ZFYVE9: variants seen among roughly 807,000 people sequenced by gnomAD.
ZFYVE9 encodes the protein zinc finger FYVE-type containing 9.
ZFYVE9 carries 43 observed loss-of-function variants against 126.7 expected under a neutral mutation model. The ratio of observed to expected loss-of-function variants is 0.34; its 90% CI spans 0.27 to 0.44. The LOEUF is 0.44. Ranked by LOEUF, ZFYVE9 falls within the 20% of genes least tolerant of loss-of-function variation. The pLI, the probability that ZFYVE9 is intolerant of heterozygous loss-of-function variation, is 1.00. For synonymous variants in ZFYVE9, 521 were observed against 597.4 expected (o/e 0.87, Z 1.87); for missense variants, 1,476 against 1,697.0 (o/e 0.87, Z 2.29).
At chr1:52,287,945 A>G (rs1645879038) in intron 10 of ZFYVE9, among the ~76,000 whole-genome samples, 1 of 152,140 alleles carries the variant, frequency 6.6e-6, no homozygotes, top group South Asian at 2.1e-4. Context: ...AATTTATTAG[A>G]ATTATGGTAT....
rs1445473559 is a variant in ZFYVE9 at position 52,308,854 on chromosome 1, A to G, written c.3438+4929A>G. ...GTGAGTTCCATGAGGGACTATGTCTATCTTGTATACCACAGGTATCATCAG... is the reference window on the plus strand; with the variant it reads ...GTGAGTTCCATGAGGGACTATGTCTGTCTTGTATACCACAGGTATCATCAG... On this transcript the variant is annotated intron_variant, in intron 13 of 18. Coordinates refer to ENST00000287727, the MANE Select transcript of ZFYVE9 (RefSeq NM_004799.4). 2.0e-5 allele frequency among the ~76,000 whole-genome samples: 3 copies of G among 152,330 alleles called. No individual in the cohort carries two copies. The South Asian group carries it at 6.2e-4, about 32-fold the overall frequency.
chr1:52,169,644 A>G (rs867636547), intron 1 of ZFYVE9, among the ~76,000 whole-genome samples: 17 of 152,306 alleles, frequency 1.1e-4, no homozygotes, highest in African/African-American at 3.8e-4. Context: ...AACTGACTTA[A>G]TTATTTTAAA....
chr1:52,170,550 G>T (rs149148937), intron 1 of ZFYVE9, among the ~76,000 whole-genome samples: 11,175 of 151,438 alleles, frequency 0.074, 517 homozygotes, highest in African/African-American at 0.13. Flanking sequence ...TGCTTTTCTA[G>T]TTCTTTAAGA....
chr1:52,226,709 C>T (rs1645173783), intron 2 of ZFYVE9, among the ~76,000 whole-genome samples: 1 of 152,160 alleles, frequency 6.6e-6, no homozygotes, highest in Non-Finnish European at 1.5e-5. Flanking sequence ...TTTAGGGAGA[C>T]ATGAGACATC....
intron 13 of ZFYVE9, among the ~76,000 whole-genome samples, chr1:52,324,040 C>T (rs1464997346): frequency 2.0e-5 from 3 of 147,722 alleles, no homozygotes; most frequent in African/African-American, 7.7e-5. Flanking sequence ...GCCTGGGCAA[C>T]AAGAGCAAGA....
At chr1:52,224,029 T>C (rs557258774) in intron 2 of ZFYVE9, among the ~76,000 whole-genome samples, 88 of 152,284 alleles carry the variant, frequency 5.8e-4, no homozygotes, top group African/African-American at 2.0e-3. Flanking sequence ...TGAGTTCCTT[T>C]TTTAGATTTC....
chr1:52,233,300 T>C (rs1272966075), intron 3 of ZFYVE9, 24 bp downstream of exon 3: 1 of 1,543,652 alleles, frequency 6.5e-7, no homozygotes, highest in Non-Finnish European at 8.8e-7. Flanking sequence ...TTGGTGAATC[T>C]GTTTGCCTAT....
intron 1 of ZFYVE9, among the ~76,000 whole-genome samples, chr1:52,207,015 C>T (rs1008497733): frequency 1.3e-5 from 2 of 152,118 alleles, no homozygotes; most frequent in African/African-American, 2.4e-5. Flanking sequence ...GAGGGCAATC[C>T]GGTGTACTCA....
chr1:52,313,994 T>C (rs746363056), intron 13 of ZFYVE9, among the ~76,000 whole-genome samples: 6 of 152,210 alleles, frequency 3.9e-5, no homozygotes, highest in Non-Finnish European at 8.8e-5. Flanking sequence ...GGCAGCCAAA[T>C]TCTGTAATTG....
chr1:52,234,488 T>C (rs1320581100), intron 3 of ZFYVE9, among the ~76,000 whole-genome samples: 2 of 152,178 alleles, frequency 1.3e-5, no homozygotes, highest in Non-Finnish European at 2.9e-5. Flanking sequence ...ATGATTTCCA[T>C]ATTGGTTTAC....
chr1:52,292,282 CAAA>C (rs568918260), intron 10 of ZFYVE9, among the ~76,000 whole-genome samples: 2 of 72,286 alleles, frequency 2.8e-5, no homozygotes, highest in African/African-American at 4.9e-5. Flanking sequence ...GACTCCATCT[CAAA>C]AAAAAAAAAA....
At chr1:52,152,316 G>A (rs1028837591) in intron 1 of ZFYVE9, among the ~76,000 whole-genome samples, 1 of 152,074 alleles carries the variant, frequency 6.6e-6, no homozygotes, top group Non-Finnish European at 1.5e-5. Context: ...TTTGGTTGTG[G>A]AACCCCTTTT....
At chr1:52,207,600 G>A (rs961577553) in intron 1 of ZFYVE9, among the ~76,000 whole-genome samples, 1 of 152,094 alleles carries the variant, frequency 6.6e-6, no homozygotes, top group Admixed American at 6.5e-5. Flanking sequence ...CCACTGTAAG[G>A]GTGTTCATAT....
At chr1:52,225,595 G>C (rs1413854094) in intron 2 of ZFYVE9, among the ~76,000 whole-genome samples, 1 of 152,182 alleles carries the variant, frequency 6.6e-6, no homozygotes, top group Non-Finnish European at 1.5e-5. Context: ...GATTGGCCAA[G>C]GCTTAAACTT....
At chr1:52,263,905 T>C (rs768511427) in intron 5 of ZFYVE9, 33 bp downstream of exon 5, 3 of 1,432,040 alleles carry the variant, frequency 2.1e-6, no homozygotes, top group South Asian at 2.6e-5. Context: ...TTCATAGTTA[T>C]TGAGACAAAA....
chr1:52,148,395 G>C (rs1644323832), intron 1 of ZFYVE9, among the ~76,000 whole-genome samples: 1 of 151,814 alleles, frequency 6.6e-6, no homozygotes, highest in Non-Finnish European at 1.5e-5. Flanking sequence ...GGCTGAGACA[G>C]GAGAATTGCT....
At chr1:52,217,767 G>C (rs1396834509) in intron 2 of ZFYVE9, among the ~76,000 whole-genome samples, 1 of 152,116 alleles carries the variant, frequency 6.6e-6, no homozygotes. Flanking sequence ...GCCTTGTAAG[G>C]CTTTTATGAT....
Position 52,142,905 on chromosome 1 carries a change from G to A in ZFYVE9, c.-143+502G>A, listed in dbSNP as rs1644273868. On this transcript the variant is annotated intron_variant, in intron 1 of 18. Coordinates refer to ENST00000287727, the MANE Select transcript of ZFYVE9 (RefSeq NM_004799.4). The surrounding 1 kb of genome is among the most constrained non-coding windows in gnomAD (Gnocchi z 4.5). The stretch of plus-strand genomic sequence containing the variant: ...AGAGTGCGGGACCAAGAGAGCCCCT[G>A]CTACTCCTGGAGTGTCATTCATGGA... Among the ~76,000 whole-genome samples the A allele has an allele frequency of 6.6e-6, 1 of 152,114 alleles. No homozygotes were observed. The highest frequency in any genetic ancestry group is 1.5e-5 in the Non-Finnish European group (1 of 68,018).
At chr1:52,218,930 G>A (rs1423581004) in intron 2 of ZFYVE9, among the ~76,000 whole-genome samples, 1 of 152,088 alleles carries the variant, frequency 6.6e-6, no homozygotes, top group Non-Finnish European at 1.5e-5. Context: ...GGTCAGTGGA[G>A]GTGGGGATAG....
Sources: gnomAD v4.1 joint callset for allele counts (sites outside exome capture counted in the v4.1 genomes callset) on GRCh38, gnomAD v4.1.1 for gene constraint, Gnocchi (gnomAD v3.1) non-coding constraint, MANE v1.5 for transcripts, NCBI Gene and HGNC (gene_info 2026-07-23, HGNC 2026-07-21) for gene names.